Variants in MRPL44 observed in about 807,000 individuals in gnomAD.
The protein encoded by MRPL44 is large ribosomal subunit protein mL44.
In MRPL44, 21 loss-of-function variants were observed where a neutral mutation model predicts 25.9. The observed-to-expected ratio is 0.81, with a 90% CI of 0.58 to 1.17. The LOEUF is 1.17. MRPL44 is among the 50% of genes most tolerant of loss of function. The pLI is 0.00. For missense variants in MRPL44, 410 were observed against 398.9 expected, an observed-to-expected ratio of 1.03 and a Z score of -0.24; for synonymous variants, 169 against 151.0, an observed-to-expected ratio of 1.12 and a Z score of -0.87.
rs984241931 is a variant in MRPL44 at position 223,963,876 on chromosome 2, C to G, written c.769C>G (p.Leu257Val). 6.2e-7 allele frequency: 1 copy of G among 1,613,880 alleles called. No individual in the cohort carries two copies. The highest frequency in any genetic ancestry group is 8.5e-7 in the Non-Finnish European group (1 of 1,179,914). The change falls in exon 3 of 4, where the codon CTT (leucine) becomes GTT (valine). Residue 257 changes from leucine (L) to valine (V), a missense_variant. Coordinates refer to ENST00000258383, the MANE Select transcript of MRPL44 (RefSeq NM_022915.5). ...KRNVSAPESR[L>V]TRQSGGTTAL... ...GAATGTTTCAGCTCCTGAATCAAGA[C>G]TTACTAGGCAGTCTGGTGGCACCAC...
chr2:223,962,742 A>G (rs960444047), intron 2 of MRPL44, among the ~76,000 whole-genome samples: 70 of 152,152 alleles, frequency 4.6e-4, no homozygotes, highest in Non-Finnish European at 1.0e-3. Flanking sequence ...CGTGTTGCCC[A>G]GGCTGGAGTG....
upstream of MRPL44, among the ~76,000 whole-genome samples, chr2:223,957,154 A>G (rs565625299): frequency 6.6e-6 from 1 of 152,378 alleles, no homozygotes; most frequent in African/African-American, 2.4e-5. Context: ...TGCTGTAACG[A>G]GAGAGGAAGG....
In MRPL44 at chr2:223,967,069, G is replaced by A. The variant is rs765727751; in HGVS notation, c.*35G>A. 26 of 1,546,782 alleles carry A rather than the reference G, an allele frequency of 1.7e-5. No homozygotes were observed. Among genetic ancestry groups the A allele is most frequent in the African/African-American group, 4.1e-5 (3 of 72,630 alleles). ...ATGCAGCAGCCTGAAACTTGAGAGC[G>A]AAAGTGAGATAAATGTCAAAGGTGT... On this transcript the variant is annotated 3_prime_UTR_variant, in exon 4 of 4. Coordinates refer to ENST00000258383, the MANE Select transcript of MRPL44 (RefSeq NM_022915.5).
At chr2:223,958,411 C>G (rs1248753925) in intron 1 of MRPL44, among the ~76,000 whole-genome samples, 1 of 152,154 alleles carries the variant, frequency 6.6e-6, no homozygotes, top group Non-Finnish European at 1.5e-5. Context: ...AAATGTTGAT[C>G]CACTTTGTAC....
At chr2:223,966,487 A>C (rs1012735144) in intron 3 of MRPL44, among the ~76,000 whole-genome samples, 2 of 151,890 alleles carry the variant, frequency 1.3e-5, no homozygotes, top group Non-Finnish European at 2.9e-5. Context: ...GTTATATCAC[A>C]CATTAAAAAT....
chr2:223,963,712 T>A, intron 2 of MRPL44, 44 bp from the exon 3 acceptor site: 3 of 1,274,212 alleles, frequency 2.4e-6, no homozygotes, highest in Non-Finnish European at 3.2e-6. Flanking sequence ...GTCCTAATGT[T>A]CTTTCTACTA....
At chr2:223,957,462 T>A, upstream of MRPL44, 1 of 1,614,152 alleles carries the variant, frequency 6.2e-7, no homozygotes, top group Non-Finnish European at 8.5e-7. Context: ...TCCATCGTTT[T>A]CTCTCGTGCA....
rs775054268 is a variant in MRPL44 at position 223,963,773 on chromosome 2, A to G, written c.666A>G (p.Gln222=). 4 of 1,600,818 alleles carry G rather than the reference A, an allele frequency of 2.5e-6. No homozygotes were observed. In the South Asian group the frequency reaches 3.4e-5, roughly 14 times the overall value. Residue 222 remains glutamine (Q), a synonymous_variant, in exon 3 of 4, where the codon CAA becomes CAG. Transcript: ENST00000258383. ...ATATGCAGGACTTCTTAATTACTCAAATGACTGGAAAAGAGCTCTTTGAGA... is the reference window on the plus strand; with the variant it reads ...ATATGCAGGACTTCTTAATTACTCAGATGACTGGAAAAGAGCTCTTTGAGA... The part of the protein sequence containing the change: ...ALFIRDFLIT[Q]MTGKELFEMW...
the MRPL44 span, among the ~76,000 whole-genome samples, chr2:223,951,826 C>T: frequency 1.3e-5 from 2 of 152,158 alleles, no homozygotes; most frequent in Non-Finnish European, 2.9e-5. Context: ...CCATCACCTC[C>T]TCTGACTCTA....
chr2:223,960,356 C>T (rs1419566845), intron 2 of MRPL44, among the ~76,000 whole-genome samples: 3 of 152,184 alleles, frequency 2.0e-5, no homozygotes, highest in African/African-American at 7.2e-5. Flanking sequence ...GCTTCAGTAC[C>T]AGCTGCTGTC....
chr2:223,958,277 CTG>C (rs1689602436), intron 1 of MRPL44, among the ~76,000 whole-genome samples: 1 of 152,078 alleles, frequency 6.6e-6, no homozygotes, highest in Non-Finnish European at 1.5e-5. Flanking sequence ...TTTTATGGCT[CTG>C]TATATATGGG....
chr2:223,955,544 T>C (rs939218257), upstream of MRPL44, among the ~76,000 whole-genome samples: 25 of 152,260 alleles, frequency 1.6e-4, no homozygotes, highest in African/African-American at 6.0e-4. Context: ...TCACCATCAT[T>C]GAAGGAATAT....
rs1689632749 is a variant in MRPL44 at position 223,959,991 on chromosome 2, C to G, written c.637C>G (p.Leu213Val). 1 of 1,610,698 alleles carries G rather than the reference C, an allele frequency of 6.2e-7. No individual in the cohort carries two copies. The highest frequency in any genetic ancestry group is 1.3e-5 in the African/African-American group (1 of 74,918). The change falls in exon 2 of 4, where the codon CTT becomes GTT. Residue 213 changes from leucine to valine, a missense_variant. Leu to Val is a conservative substitution (Grantham distance 32). Coordinates refer to ENST00000258383, the MANE Select transcript of MRPL44 (RefSeq NM_022915.5). ...GAGCAGTGGACCTGAGAGGACTGCACTTTTCATCAGGGTACGTAACTATTA... is the reference window on the plus strand; with the variant it reads ...GAGCAGTGGACCTGAGAGGACTGCAGTTTTCATCAGGGTACGTAACTATTA... ...LQSSGPERTA[L>V]FIRDFLITQM...
intron 1 of MRPL44, among the ~76,000 whole-genome samples, chr2:223,958,388 A>G (rs1284899999): frequency 1.3e-5 from 2 of 152,196 alleles, no homozygotes; most frequent in African/African-American, 4.8e-5. Context: ...GTACTTTAAC[A>G]TTGCCCTCCA....
At chr2:223,952,032 C>A in the MRPL44 span, among the ~76,000 whole-genome samples, 99 of 152,338 alleles carry the variant, frequency 6.5e-4, no homozygotes, top group African/African-American at 2.2e-3. Flanking sequence ...CTTCACATTT[C>A]AGATACTCTA....
At chr2:223,966,099 G>A (rs981095077) in intron 3 of MRPL44, among the ~76,000 whole-genome samples, 3 of 152,096 alleles carry the variant, frequency 2.0e-5, no homozygotes, top group Admixed American at 6.5e-5. Context: ...TGGCGGGTGC[G>A]TTGGCGGGCA....
upstream of MRPL44, among the ~76,000 whole-genome samples, chr2:223,956,805 T>C (rs1055416073): frequency 6.6e-6 from 1 of 152,170 alleles, no homozygotes; most frequent in Non-Finnish European, 1.5e-5. Context: ...AGGAAAGCAA[T>C]AGAATTACAT....
chr2:223,963,047 G>A (rs1305782640), intron 2 of MRPL44, among the ~76,000 whole-genome samples: 1 of 152,066 alleles, frequency 6.6e-6, no homozygotes, highest in Non-Finnish European at 1.5e-5. Context: ...GTTATTTAGA[G>A]GCCCTGAGTG....
At position 223,959,633 on chromosome 2, in the gene MRPL44, T is replaced by A. The variant is rs1317771493; in HGVS notation, c.279T>A (p.Val93=). The change falls in exon 2 of 4, where the codon GTT becomes GTA. Residue 93 remains valine, a synonymous_variant. Coordinates refer to ENST00000258383, the MANE Select transcript of MRPL44 (RefSeq NM_022915.5). The part of the protein sequence containing the change: ...FSLDLLKTAF[V]NSCYIKSEEA... ...TAGATCTTCTCAAAACTGCATTTGT[T>A]AATAGCTGCTATATTAAAAGTGAGG... 1.2e-6 allele frequency: 2 copies of A among 1,614,232 alleles called. No homozygotes were observed. Among genetic ancestry groups the A allele is most frequent in the Non-Finnish European group, 1.7e-6 (2 of 1,180,040 alleles).
Sources: allele counts gnomAD v4.1 joint callset (sites outside exome capture counted in the v4.1 genomes callset), GRCh38; gene constraint gnomAD v4.1.1; transcripts MANE v1.5; gene names NCBI Gene and HGNC (gene_info 2026-07-23, HGNC 2026-07-21).